Variants in XIRP2 observed in about 807,000 individuals in gnomAD.
XIRP2 encodes xin actin-binding repeat-containing protein 2.
Under a neutral mutation model 277.0 loss-of-function variants are expected in XIRP2, and 236 were observed. The ratio of observed to expected loss-of-function variants is 0.85; its 90% CI spans 0.77 to 0.95. XIRP2 has a LOEUF of 0.95. XIRP2 is among the 40% of genes least tolerant of loss of function. The pLI, the probability that XIRP2 is intolerant of heterozygous loss-of-function variation, is 0.00. For missense variants in XIRP2, 4,640 were observed against 4,157.5 expected (o/e 1.12, Z -3.19); for synonymous variants, 1,490 against 1,416.5 (o/e 1.05, Z -1.17).
At chr2:167,032,794 A>G (rs1189746427) in intron 2 of XIRP2, among the ~76,000 whole-genome samples, 1 of 152,190 alleles carries the variant, frequency 6.6e-6, no homozygotes, top group African/African-American at 2.4e-5. Flanking sequence ...TCAGGAAACA[A>G]CAGATGCTGG....
chr2:167,210,062 G>A (rs73029719), intron 3 of XIRP2, among the ~76,000 whole-genome samples: 8,402 of 152,086 alleles, frequency 0.055, 264 homozygotes, highest in East Asian at 0.12. Flanking sequence ...TCTCTGAAAT[G>A]GGTGCCTGAC....
rs79054669 is a variant in XIRP2 at position 166,907,510 on chromosome 2, C to T, written c.408+3620C>T. ...TGTCTATGGTCAGCTGCAAAGTCAG[C>T]GGGAATCTGGCTATTCTAGGATGAC... On this transcript the variant is annotated intron_variant, in intron 2 of 10. Transcript: ENST00000409195. 8.4e-4 allele frequency among the ~76,000 whole-genome samples: 127 copies of T among 152,070 alleles called. 1 individual carries two copies. The East Asian group carries it at 0.024, about 28-fold the overall frequency.
intron 3 of XIRP2, among the ~76,000 whole-genome samples, chr2:167,175,281 T>G (rs1008274272): frequency 2.0e-4 from 31 of 152,224 alleles, no homozygotes; most frequent in African/African-American, 7.0e-4. Flanking sequence ...TTTAGGATAG[T>G]TGGCTCTTCT....
At chr2:167,048,361 C>T (rs1176175377) in intron 2 of XIRP2, among the ~76,000 whole-genome samples, 1 of 151,858 alleles carries the variant, frequency 6.6e-6, no homozygotes, top group Non-Finnish European at 1.5e-5. Context: ...TCTTGAATTT[C>T]CCTTTGATTA....
At chr2:167,141,967 T>G (rs1438919859) in intron 3 of XIRP2, among the ~76,000 whole-genome samples, 1 of 152,200 alleles carries the variant, frequency 6.6e-6, no homozygotes, top group African/African-American at 2.4e-5. Flanking sequence ...CCAGGCCCCC[T>G]AGTTGGAGCA....
chr2:166,939,696 A>C (rs1375147362), intron 2 of XIRP2, among the ~76,000 whole-genome samples: 1 of 135,878 alleles, frequency 7.4e-6, no homozygotes, highest in Non-Finnish European at 1.6e-5. Flanking sequence ...AAAAAAAAAA[A>C]AACAAAAAAC....
At chr2:167,060,978 T>C (rs1392883916) in intron 2 of XIRP2, among the ~76,000 whole-genome samples, 3 of 152,128 alleles carry the variant, frequency 2.0e-5, no homozygotes, top group African/African-American at 7.2e-5. Flanking sequence ...CTGAACTATG[T>C]TGAACCTTCC....
intron 5 of XIRP2, among the ~76,000 whole-genome samples, chr2:167,233,719 G>T (rs868840569): frequency 1.3e-5 from 2 of 151,270 alleles, no homozygotes; most frequent in South Asian, 4.2e-4. Context: ...TATTTTTTTT[G>T]TAAACTTTTT....
chr2:167,108,595 T>G (rs1690667482), intron 2 of XIRP2, among the ~76,000 whole-genome samples: 1 of 152,116 alleles, frequency 6.6e-6, no homozygotes, highest in Admixed American at 6.6e-5. Flanking sequence ...TTATTAATAG[T>G]TTTAAATTTA....
At position 167,247,451 on chromosome 2, in the gene XIRP2, A is replaced by C. The variant is rs906475141; in HGVS notation, c.6059A>C (p.Lys2020Thr). ...GAAAGAACTGAGGTTAATCTTCCAA[A>C]AGCCCCCAAAGGCACTGTAAAGATT... ...VEERTEVNLP[K>T]APKGTVKIVI... The change falls in exon 9 of 11, where the codon AAA (lysine) becomes ACA (threonine). Residue 2020 changes from lysine to threonine, a missense_variant. Transcript: ENST00000409195. 5.0e-6 allele frequency: 8 copies of C among 1,613,724 alleles called. No homozygotes were observed. Among genetic ancestry groups the C allele is most frequent in the Non-Finnish European group, 5.9e-6 (7 of 1,179,784 alleles).
At chr2:167,125,679 A>T (rs902370349) in intron 2 of XIRP2, among the ~76,000 whole-genome samples, 2 of 152,152 alleles carry the variant, frequency 1.3e-5, no homozygotes, top group Non-Finnish European at 2.9e-5. Flanking sequence ...CGTATTTCTG[A>T]GTAGGAAAGT....
chr2:167,087,471 C>T (rs1689992444), intron 2 of XIRP2, among the ~76,000 whole-genome samples: 1 of 152,222 alleles, frequency 6.6e-6, no homozygotes, highest in African/African-American at 2.4e-5. Context: ...GGGCTCCACC[C>T]AGTTCGAGCT....
Position 167,010,771 on chromosome 2 carries a change from C to G in XIRP2, c.408+106881C>G, listed in dbSNP as rs1325272584. The stretch of plus-strand genomic sequence containing the variant: ...TGAGCAGTGGTTTGTAGTTCTCCTT[C>G]AAGAGGTCCTTCACGTCCCTTGTAA... On this transcript the variant is annotated intron_variant, in intron 2 of 10. Transcript: ENST00000409195. Among the ~76,000 whole-genome samples, 206 of 151,846 alleles carry G rather than the reference C, an allele frequency of 1.4e-3. 1 individual carries two copies. In the East Asian group the frequency reaches 0.021, roughly 16 times the overall value.
At chr2:167,199,819 A>G (rs1266989460) in intron 3 of XIRP2, among the ~76,000 whole-genome samples, 2 of 152,232 alleles carry the variant, frequency 1.3e-5, no homozygotes, top group Admixed American at 6.5e-5. Context: ...ACCCTTAGTA[A>G]CTAAACCACA....
intron 2 of XIRP2, among the ~76,000 whole-genome samples, chr2:167,048,120 G>C (rs1469217380): frequency 6.6e-6 from 1 of 151,994 alleles, no homozygotes; most frequent in East Asian, 1.9e-4. Context: ...CATTCAGTCT[G>C]TAACAGTGGG....
intron 1 of XIRP2, among the ~76,000 whole-genome samples, chr2:166,892,719 T>A (rs369096747): frequency 9.8e-4 from 149 of 151,686 alleles, no homozygotes; most frequent in African/African-American, 3.4e-3. Flanking sequence ...AAATAACCTT[T>A]GATGGGTTAC....
intron 2 of XIRP2, among the ~76,000 whole-genome samples, chr2:167,060,640 G>T (rs1689153173): frequency 6.6e-6 from 1 of 151,944 alleles, no homozygotes; most frequent in African/African-American, 2.4e-5. Flanking sequence ...AAAATCTATT[G>T]ATCATCTATG....
chr2:167,219,012 G>A (rs993484428), intron 5 of XIRP2, among the ~76,000 whole-genome samples: 2 of 152,018 alleles, frequency 1.3e-5, no homozygotes, highest in East Asian at 3.8e-4. Flanking sequence ...GGCAACTGAG[G>A]TATTTCTTAA....
intron 2 of XIRP2, among the ~76,000 whole-genome samples, chr2:166,975,159 G>T (rs534361507): frequency 3.2e-4 from 49 of 152,064 alleles, no homozygotes; most frequent in African/African-American, 1.1e-3. Flanking sequence ...ATGAAGTAGA[G>T]ACTGACAGAA....
Sources: gnomAD v4.1 joint callset for allele counts (sites outside exome capture counted in the v4.1 genomes callset) on GRCh38, gnomAD v4.1.1 for gene constraint, MANE v1.5 for transcripts, NCBI Gene and HGNC (gene_info 2026-07-23, HGNC 2026-07-21) for gene names.